NRG1: variants seen among roughly 807,000 people sequenced by gnomAD.
NRG1 encodes the protein pro-neuregulin-1, membrane-bound isoform.
NRG1 carries 18 observed loss-of-function variants against 63.8 expected under a neutral mutation model. The observed-to-expected ratio is 0.28, with a 90% CI of 0.19 to 0.42. NRG1 has a LOEUF of 0.42. Among genes scored for constraint, NRG1 ranks in the 10% least tolerant of loss-of-function variants. The probability of loss-of-function intolerance (pLI) is 1.00; values close to 1 mark genes in which losing one functional copy is unlikely to be tolerated. For missense variants in NRG1, 762 were observed against 814.7 expected, an observed-to-expected ratio of 0.94 and a Z score of 0.79; for synonymous variants, 302 against 301.3, an observed-to-expected ratio of 1.00 and a Z score of -0.02.
At chr8:32,311,134 G>GTCAT (rs1304114231) in intron 1 of NRG1, among the ~76,000 whole-genome samples, 9 of 152,102 alleles carry the variant, frequency 5.9e-5, no homozygotes, top group South Asian at 4.1e-4. Flanking sequence ...CACTCATTCA[G>GTCAT]TCATTCATTC....
intron 1 of NRG1, chr8:31,639,461 G>A (rs914883607): frequency 1.3e-6 from 2 of 1,532,498 alleles, no homozygotes; most frequent in African/African-American, 2.7e-5. Flanking sequence ...GCAGGACGCT[G>A]TCGCCGCCGC....
chr8:32,013,167 G>C (rs1815014915), intron 1 of NRG1, among the ~76,000 whole-genome samples: 2 of 152,078 alleles, frequency 1.3e-5, no homozygotes. Context: ...AAAGTAAGGA[G>C]GCAGTAGGTC....
chr8:31,758,459 C>A (rs954969913), intron 1 of NRG1, among the ~76,000 whole-genome samples: 3 of 152,274 alleles, frequency 2.0e-5, no homozygotes, highest in Non-Finnish European at 4.4e-5. Context: ...AGACTTGGAA[C>A]CAACTCAAAT....
At chr8:31,946,549 A>G (rs1802569093) in intron 1 of NRG1, among the ~76,000 whole-genome samples, 1 of 152,236 alleles carries the variant, frequency 6.6e-6, no homozygotes, top group African/African-American at 2.4e-5. Context: ...AATAAGAACC[A>G]TAGCTGTACT....
intron 1 of NRG1, among the ~76,000 whole-genome samples, chr8:32,257,393 G>A (rs1376677663): frequency 6.6e-6 from 1 of 152,132 alleles, no homozygotes; most frequent in Non-Finnish European, 1.5e-5. Context: ...TGTGCTTCAA[G>A]CCATATTTCT....
chr8:32,523,095 G>A lies in NRG1; in HGVS notation c.38-72733G>A, dbSNP rs147035958. ...GCTAGGATTACAGGCATGAGTCCACGCCCAGCCCTTAATTTGTCTATTTTT... is the reference window on the plus strand; with the variant it reads ...GCTAGGATTACAGGCATGAGTCCACACCCAGCCCTTAATTTGTCTATTTTT... On this transcript the variant is annotated intron_variant, in intron 1 of 10. Transcript: ENST00000519301. Among the ~76,000 whole-genome samples the A allele has an allele frequency of 3.7e-3, 564 of 152,126 alleles. 6 individuals carry two copies. The highest frequency in any genetic ancestry group is 0.013 in the African/African-American group (538 of 41,510).
chr8:32,040,656 T>A (rs960425900), intron 1 of NRG1, among the ~76,000 whole-genome samples: 14 of 141,022 alleles, frequency 9.9e-5, no homozygotes, highest in Non-Finnish European at 1.5e-5. Flanking sequence ...TGTATGTATA[T>A]ATGTATATAT....
intron 1 of NRG1, among the ~76,000 whole-genome samples, chr8:31,942,474 T>A (rs1801895506): frequency 6.6e-6 from 1 of 152,100 alleles, no homozygotes. Context: ...GACATTGACT[T>A]AGGCAAAGAC....
intron 1 of NRG1, among the ~76,000 whole-genome samples, chr8:32,083,716 A>G (rs1170417125): frequency 6.6e-6 from 1 of 152,190 alleles, no homozygotes; most frequent in Admixed American, 6.5e-5. Context: ...TCAGCAACAA[A>G]ATAATGGGAG....
intron 1 of NRG1, among the ~76,000 whole-genome samples, chr8:31,643,508 A>G (rs1803999682): frequency 6.6e-6 from 1 of 152,246 alleles, no homozygotes; most frequent in Non-Finnish European, 1.5e-5. Context: ...AATAATGTCG[A>G]TAAAACAAGA....
intron 1 of NRG1, among the ~76,000 whole-genome samples, chr8:31,755,100 G>T (rs986097179): frequency 1.3e-5 from 2 of 152,022 alleles, no homozygotes; most frequent in Admixed American, 1.3e-4. Context: ...TCCAGCTCCT[G>T]CCCTGGACAG....
chr8:32,515,912 G>C (rs1829777621), intron 1 of NRG1, among the ~76,000 whole-genome samples: 1 of 152,184 alleles, frequency 6.6e-6, no homozygotes, highest in South Asian at 2.1e-4. Context: ...AAGCTCTTCA[G>C]TGTAATTAGG....
At chr8:32,210,580 T>G (rs1326039619) in intron 1 of NRG1, among the ~76,000 whole-genome samples, 1 of 152,204 alleles carries the variant, frequency 6.6e-6, no homozygotes, top group Non-Finnish European at 1.5e-5. Context: ...ACAGCCACGG[T>G]ACAACCAGCT....
intron 1 of NRG1, among the ~76,000 whole-genome samples, chr8:32,078,043 C>G (rs1826870291): frequency 6.6e-6 from 1 of 152,124 alleles, no homozygotes; most frequent in Non-Finnish European, 1.5e-5. Context: ...TATTCTTGTC[C>G]TTTTCCATAT....
At chr8:32,739,541 A>G (rs1230425368) in intron 6 of NRG1, among the ~76,000 whole-genome samples, 1 of 152,174 alleles carries the variant, frequency 6.6e-6, no homozygotes, top group East Asian at 1.9e-4. Context: ...TATGATAGAG[A>G]TAAGCCATCA....
intron 1 of NRG1, among the ~76,000 whole-genome samples, chr8:32,246,564 T>C (rs1170558602): frequency 6.6e-6 from 1 of 152,196 alleles, no homozygotes; most frequent in African/African-American, 2.4e-5. Flanking sequence ...TACAGCTAGA[T>C]TTGTAAGAGC....
intron 1 of NRG1, among the ~76,000 whole-genome samples, chr8:32,533,698 A>T (rs1337328517): frequency 6.6e-6 from 1 of 152,056 alleles, no homozygotes; most frequent in Non-Finnish European, 1.5e-5. Flanking sequence ...ATCCACCAAA[A>T]ATTTCAATGT....
chr8:32,448,587 A>C (rs1480129724), intron 1 of NRG1, among the ~76,000 whole-genome samples: 2 of 152,132 alleles, frequency 1.3e-5, no homozygotes, highest in African/African-American at 2.4e-5. Flanking sequence ...TTGGCCCTGA[A>C]GTGCTCCTAA....
At chr8:31,746,399 C>T (rs958353417) in intron 1 of NRG1, among the ~76,000 whole-genome samples, 16 of 152,080 alleles carry the variant, frequency 1.1e-4, no homozygotes, top group Non-Finnish European at 1.5e-4. Flanking sequence ...CAAAATTAGA[C>T]GACGTTTTTC....
Sources: gnomAD v4.1 joint callset for allele counts (sites outside exome capture counted in the v4.1 genomes callset) on GRCh38, gnomAD v4.1.1 for gene constraint, MANE v1.5 for transcripts, NCBI Gene and HGNC (gene_info 2026-07-23, HGNC 2026-07-21) for gene names.